Variants in DHRS9 observed in about 807,000 individuals in gnomAD.
The protein encoded by DHRS9 is dehydrogenase/reductase SDR family member 9.
A neutral mutation model predicts 26.6 loss-of-function variants in DHRS9; 18 were observed. The observed-to-expected ratio is 0.68, with a 90% CI of 0.47 to 1.00. The LOEUF is 1.00. DHRS9 is among the 50% of genes least tolerant of loss of function. The pLI is 0.00. For synonymous variants in DHRS9, 134 were observed against 141.1 expected (o/e 0.95, Z 0.36); for missense variants, 425 against 378.7 (o/e 1.12, Z -1.01).
intron 4 of DHRS9, among the ~76,000 whole-genome samples, chr2:169,093,502 C>T (rs1460181822): frequency 1.3e-5 from 2 of 152,160 alleles, no homozygotes; most frequent in African/African-American, 4.8e-5. Flanking sequence ...TCTGAAGGTT[C>T]TATGTAGGTT....
At chr2:169,069,244 T>C (rs189746999), upstream of DHRS9, among the ~76,000 whole-genome samples, 27 of 152,236 alleles carry the variant, frequency 1.8e-4, no homozygotes, top group South Asian at 1.2e-3. Flanking sequence ...AAATGGAGAT[T>C]ATGAAGAATA....
intron 3 of DHRS9, among the ~76,000 whole-genome samples, chr2:169,087,353 A>AGGG (rs991987822): frequency 2.0e-5 from 3 of 151,950 alleles, no homozygotes; most frequent in African/African-American, 7.3e-5. Context: ...CAATGTTGTT[A>AGGG]GGGTTGAGAC....
chr2:169,091,404 T>G (rs1413031627), intron 3 of DHRS9, among the ~76,000 whole-genome samples: 1 of 152,212 alleles, frequency 6.6e-6, no homozygotes, highest in Non-Finnish European at 1.5e-5. Flanking sequence ...GTTGCTAGAA[T>G]GGAGGTGAAC....
chr2:169,084,451 C>T (rs1321418968), intron 3 of DHRS9, among the ~76,000 whole-genome samples: 1 of 152,102 alleles, frequency 6.6e-6, no homozygotes, highest in African/African-American at 2.4e-5. Context: ...ATTTACATTC[C>T]CACCAATAGT....
At chr2:169,072,782 T>C in intron 1 of DHRS9, 1 of 352,962 alleles carries the variant, frequency 2.8e-6, no homozygotes, top group Non-Finnish European at 4.0e-6. Flanking sequence ...GTGCCTGCTG[T>C]CGACTGATAA....
chr2:169,094,469 T>C (rs1684631236), intron 4 of DHRS9, among the ~76,000 whole-genome samples: 1 of 152,068 alleles, frequency 6.6e-6, no homozygotes, highest in Admixed American at 6.6e-5. Flanking sequence ...TAGCTTTGTG[T>C]TTTTGGGGTC....
At chr2:169,084,651 C>T (rs989072203) in intron 3 of DHRS9, among the ~76,000 whole-genome samples, 1 of 152,118 alleles carries the variant, frequency 6.6e-6, no homozygotes, top group Admixed American at 6.6e-5. Flanking sequence ...GAAATATCTA[C>T]TCAGATCTTT....
intron 1 of DHRS9, chr2:169,070,775 G>C (rs1683776643): frequency 1.0e-6 from 1 of 985,166 alleles, no homozygotes; most frequent in African/African-American, 1.7e-5. Flanking sequence ...GTTTAAAAAC[G>C]CATACCTGGC....
intron 2 of DHRS9, among the ~76,000 whole-genome samples, chr2:169,082,920 T>C (rs752936739): frequency 4.0e-5 from 6 of 150,272 alleles, no homozygotes; most frequent in Non-Finnish European, 8.9e-5. Context: ...TTAGGAGATA[T>C]ATCTAACGTT....
At position 169,095,947 on chromosome 2, in the gene DHRS9, T is replaced by G; in HGVS notation, c.*180T>G. 1.6e-6 allele frequency: 1 copy of G among 631,288 alleles called. No individual in the cohort carries two copies. Among genetic ancestry groups the G allele is most frequent in the East Asian group, 2.8e-5 (1 of 36,200 alleles). 39.1% of individuals were successfully genotyped at this position (631,288 alleles called of 1,614,324 possible). On this transcript the variant is annotated 3_prime_UTR_variant, in exon 5 of 5. Coordinates refer to ENST00000674881, the MANE Select transcript of DHRS9 (RefSeq NM_001376924.1). ...TATCCCAGGGTCCCTGCTCAAGTTT[T>G]CTTTGAAAAGGAGGGCTGGAATGGT...
chr2:169,080,245 G>A (rs1367711615), intron 1 of DHRS9, among the ~76,000 whole-genome samples: 3 of 152,142 alleles, frequency 2.0e-5, no homozygotes, highest in Non-Finnish European at 4.4e-5. Context: ...CAAAGATATT[G>A]CGTGGACACA....
intron 1 of DHRS9, chr2:169,070,030 A>G (rs1558948155): frequency 1.1e-6 from 1 of 915,648 alleles, no homozygotes; most frequent in Non-Finnish European, 1.3e-6. Context: ...CTATCTGTGA[A>G]TCTTATGATT....
At position 169,092,740 on chromosome 2, in the gene DHRS9, G is replaced by C. The variant is rs2105304385; in HGVS notation, c.736+787G>C. On this transcript the variant is annotated intron_variant, in intron 4 of 4. Coordinates refer to ENST00000674881, the MANE Select transcript of DHRS9 (RefSeq NM_001376924.1). Reference sequence around the variant, plus strand: ...CAGGAGCCTTCCTGGTCAAGAGATTGAGTCAGAGATGGGAGAATAATAATA... The same window carrying C: ...CAGGAGCCTTCCTGGTCAAGAGATTCAGTCAGAGATGGGAGAATAATAATA... Among the ~76,000 whole-genome samples, 2 of 152,292 alleles carry C rather than the reference G, an allele frequency of 1.3e-5. 1 individual carries two copies. The highest frequency in any genetic ancestry group is 4.1e-4 in the South Asian group (2 of 4,820).
intron 3 of DHRS9, among the ~76,000 whole-genome samples, chr2:169,085,306 C>T (rs1197990272): frequency 1.3e-5 from 2 of 152,032 alleles, no homozygotes; most frequent in African/African-American, 2.4e-5. Flanking sequence ...GTGTCTTTGG[C>T]TACTCTGGGT....
Position 169,083,404 on chromosome 2 carries a change from A to G in DHRS9, c.389A>G (p.Tyr130Cys), listed in dbSNP as rs147905840. Reference sequence around the variant, plus strand: ...ACTGACTGGCTGACACTAGAGGACTACAGAGAACCTATTGAAGTGAACCTG... The same window carrying G: ...ACTGACTGGCTGACACTAGAGGACTGCAGAGAACCTATTGAAGTGAACCTG... ...APTDWLTLED[Y>C]REPIEVNLFG... Residue 130 changes from tyrosine (Y) to cysteine (C), a missense_variant, in exon 3 of 5, where the codon TAC becomes TGC. Coordinates refer to ENST00000674881, the MANE Select transcript of DHRS9 (RefSeq NM_001376924.1). The G allele has an allele frequency of 1.9e-3, 3,047 of 1,614,118 alleles. 4 individuals are homozygous for G. Among genetic ancestry groups the G allele is most frequent in the Non-Finnish European group, 2.5e-3 (2,907 of 1,179,996 alleles).
intron 1 of DHRS9, among the ~76,000 whole-genome samples, chr2:169,079,898 G>GA (rs1684098184): frequency 2.0e-5 from 1 of 48,796 alleles, no homozygotes. Context: ...AGAGAGAGAG[G>GA]GAGGGAGGGA....
upstream of DHRS9, chr2:169,067,374 C>G: frequency 7.0e-7 from 1 of 1,438,012 alleles, no homozygotes; most frequent in South Asian, 1.4e-5. Context: ...CCTGAGACAG[C>G]CTCAGATCTG....
intron 4 of DHRS9, 26 bp downstream of exon 4, chr2:169,091,979 C>A (rs1368596450): frequency 1.9e-6 from 3 of 1,608,570 alleles, no homozygotes; most frequent in Non-Finnish European, 1.7e-6. Context: ...GTGCCAATGT[C>A]CTCTAGAATT....
chr2:169,082,020 T>C, intron 2 of DHRS9, 126 bp downstream of exon 2: 2 of 972,356 alleles, frequency 2.1e-6, no homozygotes, highest in Non-Finnish European at 3.0e-6. Context: ...ACCGGCTGTG[T>C]ACTTCTCTAA....
Sources: gnomAD v4.1 joint callset for allele counts (sites outside exome capture counted in the v4.1 genomes callset) on GRCh38, gnomAD v4.1.1 for gene constraint, MANE v1.5 for transcripts, NCBI Gene and HGNC (gene_info 2026-07-23, HGNC 2026-07-21) for gene names.